TSHZ2: variants seen among roughly 807,000 people sequenced by gnomAD.
TSHZ2 encodes teashirt zinc finger homeobox 2.
In TSHZ2, 21 loss-of-function variants were observed where a neutral mutation model predicts 74.4. The observed-to-expected ratio is 0.28, with a 90% CI of 0.20 to 0.41. The LOEUF is 0.41. TSHZ2 is among the 10% of genes least tolerant of loss of function. The probability of loss-of-function intolerance (pLI) is 1.00; values close to 1 mark genes in which losing one functional copy is unlikely to be tolerated. For missense variants in TSHZ2, 1,244 were observed against 1,293.5 expected (o/e 0.96, Z 0.59); for synonymous variants, 540 against 515.3 (o/e 1.05, Z -0.65).
chr20:53,145,625 C>T (rs1023737324), intron 1 of TSHZ2, among the ~76,000 whole-genome samples: 1 of 152,146 alleles, frequency 6.6e-6, no homozygotes, highest in Non-Finnish European at 1.5e-5. Flanking sequence ...TCAGAGTTAT[C>T]CCAATGAGGG....
chr20:53,309,583 G>A (rs1978692563), intron 2 of TSHZ2, among the ~76,000 whole-genome samples: 1 of 152,114 alleles, frequency 6.6e-6, no homozygotes, highest in African/African-American at 2.4e-5. Context: ...ATTCTCCAGG[G>A]CAACAAGCAT....
rs144057140 is a variant in TSHZ2 at position 53,006,519 on chromosome 20, C to G, written c.40+33186C>G. ...TGAGGACCATGGAGTGCTGCAAGCC[C>G]CAGTCCCTTTTAATGTGCACCACGG... On this transcript the variant is annotated intron_variant, in intron 1 of 2. Coordinates refer to ENST00000371497, the MANE Select transcript of TSHZ2 (RefSeq NM_173485.6). Among the ~76,000 whole-genome samples, 541 of 152,264 alleles carry G rather than the reference C, an allele frequency of 3.6e-3. 9 individuals carry two copies. Among genetic ancestry groups the G allele is most frequent in the Admixed American group, 0.021 (325 of 15,286 alleles).
intron 1 of TSHZ2, among the ~76,000 whole-genome samples, chr20:53,249,834 C>G (rs1990286568): frequency 6.6e-6 from 1 of 151,990 alleles, no homozygotes; most frequent in Non-Finnish European, 1.5e-5. Context: ...CAGAAAGACA[C>G]TGCAGGAGTT....
chr20:53,235,055 G>A (rs1333472262), intron 1 of TSHZ2, among the ~76,000 whole-genome samples: 3 of 141,858 alleles, frequency 2.1e-5, no homozygotes, highest in East Asian at 2.1e-4. Context: ...AGCGCACCTC[G>A]TCACTTAATG....
In TSHZ2 at chr20:53,254,382, A is replaced by C. The variant is rs762766937; in HGVS notation, c.924A>C (p.Pro308=). The C allele has an allele frequency of 6.2e-7, 1 of 1,614,092 alleles. No homozygotes were observed. The highest frequency in any genetic ancestry group is 1.1e-5 in the South Asian group (1 of 91,072). The change falls in exon 2 of 3, where the codon CCA becomes CCC. Residue 308 remains proline (P), a synonymous_variant. Coordinates refer to ENST00000371497, the MANE Select transcript of TSHZ2 (RefSeq NM_173485.6). ...ACCAAAAAGTGCCTTTGAAGGAGCC[A>C]GTCCCAACCATTTCCTCGAAAATGG... is the stretch of plus-strand genomic sequence containing the variant. The part of the protein sequence containing the change: ...KHYQKVPLKE[P]VPTISSKMVT...
chr20:53,100,996 G>A (rs907954536), intron 1 of TSHZ2, among the ~76,000 whole-genome samples: 12 of 152,290 alleles, frequency 7.9e-5, no homozygotes, highest in Admixed American at 3.9e-4. Context: ...AGCAGGGGTA[G>A]GGGTGGGAGA....
intron 2 of TSHZ2, among the ~76,000 whole-genome samples, chr20:53,326,608 C>T (rs1009376046): frequency 2.0e-5 from 3 of 152,196 alleles, no homozygotes; most frequent in African/African-American, 7.2e-5. Context: ...GGCTTTGCCT[C>T]CCTCCATGCA....
In TSHZ2 at chr20:53,256,506, G is replaced by C. The variant is rs538141535; in HGVS notation, c.3048G>C (p.Thr1016=). 6.2e-7 allele frequency: 1 copy of C among 1,612,162 alleles called. No homozygotes were observed. The highest frequency in any genetic ancestry group is 1.3e-5 in the African/African-American group (1 of 74,900). ...KHAVKLHLSK[T]HSKSPEHHSQ... ...CGGTAAAACTCCACCTAAGCAAAAC[G>C]CACAGCAAGTCACCCGAACACCATT... The change falls in exon 2 of 3, where the codon ACG becomes ACC. Residue 1016 remains threonine, a synonymous_variant. Coordinates refer to ENST00000371497, the MANE Select transcript of TSHZ2 (RefSeq NM_173485.6). The surrounding 1 kb of genome is among the most constrained non-coding windows in gnomAD (Gnocchi z 4.3).
At chr20:53,334,224 AAAAT>A (rs2145554685) in intron 2 of TSHZ2, among the ~76,000 whole-genome samples, 2 of 152,346 alleles carry the variant, frequency 1.3e-5, no homozygotes, top group Non-Finnish European at 2.9e-5. Context: ...AGCCCTGAGA[AAAAT>A]AAAGAGAGAA....
chr20:53,289,313 TC>T (rs1436154130), intron 2 of TSHZ2, among the ~76,000 whole-genome samples: 1 of 152,190 alleles, frequency 6.6e-6, no homozygotes, highest in East Asian at 1.9e-4. Flanking sequence ...TCACTTCTTT[TC>T]CCCTGGGTAG....
Position 53,098,993 on chromosome 20 carries a change from T to C in TSHZ2, c.40+125660T>C, listed in dbSNP as rs1326604592. Among the ~76,000 whole-genome samples the C allele has an allele frequency of 3.3e-5, 5 of 152,308 alleles. No individual in the cohort carries two copies. In the East Asian group the frequency reaches 9.6e-4, roughly 29 times the overall value. ...TGGTTAAGTCTTAGCGTGATTCCAT[T>C]GCCAATGAGTCTTTGCCTAGGTGCT... On this transcript the variant is annotated intron_variant, in intron 1 of 2. Transcript: ENST00000371497.
chr20:53,328,194 C>T lies in TSHZ2; in HGVS notation c.*8+71623C>T, dbSNP rs1979576926. The stretch of plus-strand genomic sequence containing the variant: ...ATGTGTGCCGAGATTGCTAAATTTC[C>T]AAGATTGCATGTAACTCCCAGCATG... On this transcript the variant is annotated intron_variant, in intron 2 of 2. Transcript: ENST00000371497. 2.0e-5 allele frequency among the ~76,000 whole-genome samples: 3 copies of T among 152,144 alleles called. No homozygotes were observed. The East Asian group carries it at 5.8e-4, about 29-fold the overall frequency.
intron 1 of TSHZ2, among the ~76,000 whole-genome samples, chr20:53,026,386 T>C (rs1379980396): frequency 1.3e-5 from 2 of 151,812 alleles, no homozygotes; most frequent in Non-Finnish European, 2.9e-5. Flanking sequence ...AAGGTCTCAT[T>C]CTGTTGCCCA....
At chr20:53,347,850 A>G (rs1264397244) in intron 2 of TSHZ2, among the ~76,000 whole-genome samples, 1 of 152,188 alleles carries the variant, frequency 6.6e-6, no homozygotes, top group Admixed American at 6.5e-5. Flanking sequence ...CGTTTTAAGT[A>G]TCATAAAGTA....
At chr20:53,182,236 C>CCTTCCTTCCTTCTTTCCTTA (rs1034235819) in intron 1 of TSHZ2, among the ~76,000 whole-genome samples, 1 of 149,900 alleles carries the variant, frequency 6.7e-6, no homozygotes, top group African/African-American at 2.5e-5. Context: ...TTGACTCCCT[C>CCTTCCTTCCTTCTTTCCTTA]CTTCCTTCCT....
intron 2 of TSHZ2, among the ~76,000 whole-genome samples, chr20:53,264,052 T>A (rs1316336252): frequency 1.3e-5 from 2 of 152,224 alleles, no homozygotes; most frequent in Non-Finnish European, 2.9e-5. Context: ...TCAGATTATA[T>A]AAATCTTTTG....
At chr20:53,444,885 TC>T (rs944876023) in intron 2 of TSHZ2, among the ~76,000 whole-genome samples, 3 of 152,232 alleles carry the variant, frequency 2.0e-5, no homozygotes, top group African/African-American at 7.2e-5. Flanking sequence ...AACCCCTGGC[TC>T]CTTTTTCTAT....
chr20:53,181,065 C>T (rs1988456972), intron 1 of TSHZ2, among the ~76,000 whole-genome samples: 1 of 152,124 alleles, frequency 6.6e-6, no homozygotes, highest in African/African-American at 2.4e-5. Flanking sequence ...TCACATGTTC[C>T]TCCTTTCCCC....
intron 2 of TSHZ2, among the ~76,000 whole-genome samples, chr20:53,319,656 C>CG (rs1411205278): frequency 6.6e-6 from 1 of 152,192 alleles, no homozygotes; most frequent in Non-Finnish European, 1.5e-5. Flanking sequence ...GCAGAGGGGA[C>CG]GGCTGTCCGG....
Sources: gnomAD v4.1 joint callset for allele counts (sites outside exome capture counted in the v4.1 genomes callset) on GRCh38, gnomAD v4.1.1 for gene constraint, Gnocchi (gnomAD v3.1) non-coding constraint, MANE v1.5 for transcripts, NCBI Gene and HGNC (gene_info 2026-07-23, HGNC 2026-07-21) for gene names.